NUP214: variants seen among roughly 807,000 people sequenced by gnomAD.
The protein encoded by NUP214 is nucleoporin 214, also known as nuclear pore complex protein Nup214.
In NUP214, 79 loss-of-function variants were observed where a neutral mutation model predicts 196.2. That is an observed-to-expected ratio of 0.40 (90% confidence interval 0.34 to 0.49). NUP214 has a LOEUF of 0.49. Ranked by LOEUF, NUP214 falls within the 20% of genes least tolerant of loss-of-function variation. The probability of loss-of-function intolerance (pLI) is 0.58; values close to 1 mark genes in which losing one functional copy is unlikely to be tolerated. For missense variants in NUP214, 2,468 were observed against 2,539.0 expected (o/e 0.97, Z 0.60); for synonymous variants, 1,020 against 990.5 (o/e 1.03, Z -0.56).
intron 21 of NUP214, among the ~76,000 whole-genome samples, chr9:131,170,064 G>A (rs1231574865): frequency 2.6e-5 from 4 of 152,112 alleles, no homozygotes; most frequent in South Asian, 2.1e-4. Context: ...AGATGAAAAC[G>A]TTCTGGAGAT....
intron 21 of NUP214, among the ~76,000 whole-genome samples, chr9:131,173,062 C>T (rs1564194675): frequency 6.6e-6 from 1 of 152,046 alleles, no homozygotes; most frequent in Non-Finnish European, 1.5e-5. Flanking sequence ...TTGGGTTTTT[C>T]TTGTTGTTAT....
At chr9:131,147,750 C>T (rs1422330472) in intron 14 of NUP214, among the ~76,000 whole-genome samples, 166 bp downstream of exon 14, 2 of 152,162 alleles carry the variant, frequency 1.3e-5, no homozygotes, top group Non-Finnish European at 1.5e-5. Context: ...CTTGTATACT[C>T]GTAAAAGCCA....
At chr9:131,151,363 G>A (rs1016216501) in intron 16 of NUP214, among the ~76,000 whole-genome samples, 4 of 152,168 alleles carry the variant, frequency 2.6e-5, no homozygotes, top group Non-Finnish European at 4.4e-5. Context: ...CTTAGCAAGT[G>A]GTAGTGCCAG....
intron 9 of NUP214, among the ~76,000 whole-genome samples, chr9:131,138,844 G>C (rs1831819027): frequency 6.6e-6 from 1 of 152,200 alleles, no homozygotes; most frequent in Non-Finnish European, 1.5e-5. Flanking sequence ...ATGCTTCTCT[G>C]TGAAAGACTG....
Position 131,228,384 on chromosome 9 carries a change from T to G in NUP214, c.6074+53T>G, listed in dbSNP as rs896002628. ...AACCCACACGCCAGCCAAAAAGCAC[T>G]AGGGGCCTGTACTCTTGCTCTGAAA... On this transcript the variant is annotated intron_variant, in intron 33 of 35. Transcript: ENST00000359428. 108 of 1,525,614 alleles carry G rather than the reference T, an allele frequency of 7.1e-5. No individual in the cohort carries two copies. In the African/African-American group the frequency reaches 1.3e-3, roughly 18 times the overall value. 94.5% of individuals were successfully genotyped at this position (1,525,614 alleles called of 1,614,324 possible).
chr9:131,225,395 G>T (rs1384303302), intron 32 of NUP214, among the ~76,000 whole-genome samples: 1 of 152,124 alleles, frequency 6.6e-6, no homozygotes, highest in Non-Finnish European at 1.5e-5. Flanking sequence ...CTTCATCCTG[G>T]GCAACAAAGC....
intron 5 of NUP214, 105 bp from the exon 6 acceptor site, chr9:131,132,491 G>T: frequency 1.1e-6 from 1 of 950,696 alleles, no homozygotes; most frequent in Non-Finnish European, 1.7e-6. Flanking sequence ...CCCGGCCAAG[G>T]AGATGGAACA....
rs1554728091 is a variant in NUP214, at chr9:131,130,161, T to TTTTTTTTTTTTTTTTTTG, written c.593-605_593-604insTTTTTTTTTTTTTTTTTG. Among the ~76,000 whole-genome samples the TTTTTTTTTTTTTTTTTTG allele has an allele frequency of 3.7e-5, 5 of 136,488 alleles. 1 individual carries two copies. The highest frequency in any genetic ancestry group is 8.0e-5 in the Non-Finnish European group (5 of 62,626). The allele number at this position is 136,488 out of a possible 152,430, so 89.5% of individuals were successfully genotyped here. The stretch of plus-strand genomic sequence containing the variant: ...TGTTTTTTTTTTTTTGTTTTTTTTT[T>TTTTTTTTTTTTTTTTTTG]GAGACAGAGTCTTGCTCTGTCGCCC... On this transcript the variant is annotated intron_variant, in intron 4 of 35. Coordinates refer to ENST00000359428, the MANE Select transcript of NUP214 (RefSeq NM_005085.4).
At chr9:131,144,887 G>T in intron 12 of NUP214, 133 bp downstream of exon 12, 1 of 676,936 alleles carries the variant, frequency 1.5e-6, no homozygotes, top group Non-Finnish European at 2.4e-6. Context: ...CTTGCAAATG[G>T]CAAAAATTCA....
chr9:131,159,038 T>TTATAAA (rs1434864852), intron 17 of NUP214: 1 of 177,534 alleles, frequency 5.6e-6, no homozygotes, highest in East Asian at 1.6e-4. Flanking sequence ...TGGCCAATTT[T>TTATAAA]GTTTTTCATT....
rs1443801243 is a variant in NUP214, at chr9:131,140,647, A to C, written c.1231A>C (p.Lys411Gln). 5 of 1,614,082 alleles carry C rather than the reference A, an allele frequency of 3.1e-6. No individual in the cohort carries two copies. Among genetic ancestry groups the C allele is most frequent in the Non-Finnish European group, 4.2e-6 (5 of 1,179,974 alleles). ...TATGATTAATCAAAATCCTGGGGTT[A>C]AGTCTCTCATCAAAACACCAGAGCG... ...FYMINQNPGV[K>Q]SLIKTPERLS... is the part of the protein sequence containing the mutation. Residue 411 changes from lysine (K) to glutamine (Q), a missense_variant, in exon 11 of 36, where the codon AAG becomes CAG. This residue lies in a region of NUP214 where 1,801 missense variants were observed against 1,779.4 expected (regional missense o/e 1.01). Coordinates refer to ENST00000359428, the MANE Select transcript of NUP214 (RefSeq NM_005085.4).
intron 34 of NUP214, 129 bp downstream of exon 34, chr9:131,230,898 C>A: frequency 9.2e-7 from 1 of 1,085,732 alleles, no homozygotes; most frequent in Non-Finnish European, 1.3e-6. Context: ...ACGTGGTTCA[C>A]GCCTGTAATC....
intron 24 of NUP214, among the ~76,000 whole-genome samples, chr9:131,186,145 G>A (rs1232678917): frequency 1.3e-5 from 2 of 152,134 alleles, no homozygotes; most frequent in Non-Finnish European, 2.9e-5. Context: ...CAGATTCAGC[G>A]GAGGTGACGG....
chr9:131,182,948 C>A (rs921407596), intron 24 of NUP214, among the ~76,000 whole-genome samples: 5 of 152,166 alleles, frequency 3.3e-5, no homozygotes, highest in Non-Finnish European at 7.3e-5. Context: ...TCAAGTGATA[C>A]TATATTACTA....
At chr9:131,139,509 G>A in intron 10 of NUP214, 102 bp downstream of exon 10, 6 of 1,506,840 alleles carry the variant, frequency 4.0e-6, no homozygotes, top group Non-Finnish European at 5.3e-6. Context: ...ACTCTGCTGG[G>A]CACTTGTAGC....
chr9:131,154,636 C>T (rs1019900255), intron 17 of NUP214, among the ~76,000 whole-genome samples: 1 of 152,180 alleles, frequency 6.6e-6, no homozygotes. Flanking sequence ...CGTGAGCCAC[C>T]GCGCCTGTTC....
chr9:131,150,288 G>T lies in NUP214; in HGVS notation c.2041-36G>T. ...TGATATAATTGCTTGTAGAAGCTAT[G>T]ACTTGCAGTTTTTAAACCTTTTCCT... is the stretch of plus-strand genomic sequence containing the variant. On this transcript the variant is annotated intron_variant, in intron 14 of 35. Transcript: ENST00000359428. 3 of 1,584,126 alleles carry T rather than the reference G, an allele frequency of 1.9e-6. No homozygotes were observed. In the South Asian group the frequency reaches 3.3e-5, roughly 18 times the overall value.
intron 9 of NUP214, 128 bp from the exon 10 acceptor site, chr9:131,139,153 T>TA: frequency 8.9e-7 from 1 of 1,127,796 alleles, no homozygotes; most frequent in Non-Finnish European, 1.2e-6. Context: ...CACCTGAGTC[T>TA]AAACCAAGTG....
Position 131,197,502 on chromosome 9 carries a change from A to G in NUP214, c.4008A>G (p.Gly1336=). 1.2e-6 allele frequency: 2 copies of G among 1,614,158 alleles called. No individual in the cohort carries two copies. The highest frequency in any genetic ancestry group is 1.6e-4 in the Middle Eastern group (1 of 6,062). ...LAGETLGSFS[G]LRVGQADDST... ...GAGAGACTCTGGGAAGTTTTTCAGGACTGCGGGTTGGCCAAGCAGATGATT... is the reference window on the plus strand; with the variant it reads ...GAGAGACTCTGGGAAGTTTTTCAGGGCTGCGGGTTGGCCAAGCAGATGATT... Residue 1336 remains glycine, a synonymous_variant, in exon 29 of 36, where the codon GGA becomes GGG. Transcript: ENST00000359428.
Sources: allele counts gnomAD v4.1 joint callset (sites outside exome capture counted in the v4.1 genomes callset), GRCh38; gene constraint gnomAD v4.1.1; regional missense constraint gnomAD v4.1.1; transcripts MANE v1.5; gene names NCBI Gene and HGNC (gene_info 2026-07-23, HGNC 2026-07-21).